Variants in BRAP observed in about 807,000 individuals in gnomAD.
BRAP encodes the protein BRCA1 associated protein, also known as BRCA1-associated protein.
A neutral mutation model predicts 73.4 loss-of-function variants in BRAP; 42 were observed. The observed-to-expected ratio is 0.57, with a 90% CI of 0.45 to 0.74. BRAP has a LOEUF of 0.74. Ranked by LOEUF, BRAP falls within the 30% of genes least tolerant of loss-of-function variation. The probability of loss-of-function intolerance (pLI) is 0.00; values close to 1 mark genes in which losing one functional copy is unlikely to be tolerated. For synonymous variants in BRAP, 255 were observed against 267.4 expected, an observed-to-expected ratio of 0.95 and a Z score of 0.45; for missense variants, 593 against 751.4, an observed-to-expected ratio of 0.79 and a Z score of 2.46.
At chr12:111,685,523 T>C in intron 1 of BRAP, 188 bp downstream of exon 1, 3 of 1,304,078 alleles carry the variant, frequency 2.3e-6, no homozygotes, top group Non-Finnish European at 3.0e-6. Flanking sequence ...GGGGCAGGGC[T>C]TCCCTGAGAT....
chr12:111,674,843 T>C (rs1200443706), intron 4 of BRAP, among the ~76,000 whole-genome samples: 1 of 152,140 alleles, frequency 6.6e-6, no homozygotes, highest in Non-Finnish European at 1.5e-5. Flanking sequence ...AGTCAGCACA[T>C]GGATTCACCA....
At chr12:111,678,718 T>C (rs1191789847) in intron 4 of BRAP, among the ~76,000 whole-genome samples, 2 of 142,794 alleles carry the variant, frequency 1.4e-5, no homozygotes, top group Non-Finnish European at 3.0e-5. Context: ...AGACGGAGTC[T>C]CACTCTTGCC....
chr12:111,672,370 T>C (rs559270084), intron 5 of BRAP, among the ~76,000 whole-genome samples: 1 of 152,198 alleles, frequency 6.6e-6, no homozygotes, highest in African/African-American at 2.4e-5. Flanking sequence ...AAATGAGATA[T>C]TCAATAAAAT....
chr12:111,642,297 T>C lies in BRAP; in HGVS notation c.*1902A>G, dbSNP rs920505501. The C allele has an allele frequency of 6.6e-6, 1 of 151,894 alleles. No individual in the cohort carries two copies. The highest frequency in any genetic ancestry group is 2.4e-5 in the African/African-American group (1 of 41,350). The allele number at this position is 151,894 out of a possible 1,614,324, so 9.4% of individuals were successfully genotyped here. On this transcript the variant is annotated 3_prime_UTR_variant, in exon 12 of 12. Coordinates refer to ENST00000419234, the MANE Select transcript of BRAP (RefSeq NM_006768.5). ...GACTCTTTGACTGTTTAAAAAAAAA[T>C]TTTTTTTTCTTTACGTATCTTGGTA...
chr12:111,660,194 T>C (rs1490207948), intron 7 of BRAP, among the ~76,000 whole-genome samples: 1 of 151,884 alleles, frequency 6.6e-6, no homozygotes, highest in African/African-American at 2.4e-5. Context: ...TGCTGATTTC[T>C]AAGGAGCACT....
chr12:111,670,055 T>C (rs1306755470), intron 5 of BRAP: 2 of 627,160 alleles, frequency 3.2e-6, no homozygotes, highest in African/African-American at 3.7e-5. Context: ...TAAAAGCTGC[T>C]GCTCCTGAAA....
intron 9 of BRAP, among the ~76,000 whole-genome samples, chr12:111,658,459 G>A (rs1886615121): frequency 6.6e-6 from 1 of 152,028 alleles, no homozygotes; most frequent in South Asian, 2.1e-4. Flanking sequence ...CCGAGGAGCT[G>A]GGATTACAGG....
rs2135936324 is a variant in BRAP, at chr12:111,685,931, CG to C, written c.-140del. 4.3e-6 allele frequency: 2 copies of C among 463,984 alleles called. No individual in the cohort carries two copies. The highest frequency in any genetic ancestry group is 4.6e-5 in the Admixed American group (1 of 21,824). 28.7% of individuals were successfully genotyped at this position (463,984 alleles called of 1,614,324 possible). On this transcript the variant is annotated 5_prime_UTR_variant, in exon 1 of 12. Coordinates refer to ENST00000419234, the MANE Select transcript of BRAP (RefSeq NM_006768.5). ...CGCCGCCTCAGCAGCAGCAGCTCCT[CG>C]AACAGCCCTCGGAGCCACAACAACC...
chr12:111,683,048 G>T, intron 2 of BRAP, 98 bp downstream of exon 2: 1 of 1,338,482 alleles, frequency 7.5e-7, no homozygotes, highest in Non-Finnish European at 1.0e-6. Flanking sequence ...ACAAAAGTAT[G>T]CTAGATGTTG....
At chr12:111,684,654 T>C (rs1388301242) in intron 1 of BRAP, among the ~76,000 whole-genome samples, 2 of 151,996 alleles carry the variant, frequency 1.3e-5, no homozygotes, top group Non-Finnish European at 2.9e-5. Context: ...CCAGCAGATA[T>C]GAGCATAAGT....
intron 11 of BRAP, among the ~76,000 whole-genome samples, chr12:111,644,764 A>AT (rs975611189): frequency 3.3e-5 from 5 of 151,166 alleles, no homozygotes; most frequent in Non-Finnish European, 5.9e-5. Flanking sequence ...ACACAAGTGT[A>AT]TTTTTTTTTG....
rs1296797713 is a variant in BRAP, at chr12:111,665,277, A to G, written c.896+362T>C. 6.6e-6 allele frequency among the ~76,000 whole-genome samples: 1 copy of G among 152,198 alleles called. No individual in the cohort carries two copies. Among genetic ancestry groups the G allele is most frequent in the African/African-American group, 2.4e-5 (1 of 41,452 alleles). On this transcript the variant is annotated intron_variant, in intron 6 of 11. Coordinates refer to ENST00000419234, the MANE Select transcript of BRAP (RefSeq NM_006768.5). This position sits in a 1 kb window ranked among gnomAD's most constrained non-coding sequence, Gnocchi z 4.3. ...ATTAGGCTGCTGTAGCCCAGTTGAT[A>G]AGAAGCCCAGAGTGAATGGCAGACA...
rs1885944123 is a variant in BRAP, at chr12:111,642,759, A to AAATT, written c.*1436_*1439dup. 1 of 152,318 alleles carries AAATT rather than the reference A, an allele frequency of 6.6e-6. No individual in the cohort carries two copies. Among genetic ancestry groups the AAATT allele is most frequent in the African/African-American group, 2.4e-5 (1 of 41,586 alleles). The allele number at this position is 152,318 out of a possible 1,614,324, so 9.4% of individuals were successfully genotyped here. The stretch of plus-strand genomic sequence containing the variant: ...CAAAGAGTTGGTCTGCCCTAAGTAA[A>AAATT]AATTAAGAATGTCTGAGTACATTCA... On this transcript the variant is annotated 3_prime_UTR_variant, in exon 12 of 12. Coordinates refer to ENST00000419234, the MANE Select transcript of BRAP (RefSeq NM_006768.5).
chr12:111,681,564 A>G lies in BRAP; in HGVS notation c.443+73T>C, dbSNP rs894154772. The G allele has an allele frequency of 4.7e-6, 6 of 1,268,788 alleles. No homozygotes were observed. In the Admixed American group the frequency reaches 9.3e-5, roughly 20 times the overall value. The allele number at this position is 1,268,788 out of a possible 1,614,324, so 78.6% of individuals were successfully genotyped here. On this transcript the variant is annotated intron_variant, in intron 3 of 11. Coordinates refer to ENST00000419234, the MANE Select transcript of BRAP (RefSeq NM_006768.5). Reference sequence around the variant, plus strand: ...AATACCCACTTTCCTTCAGGACAAGAGACTATGCTAAAGCAAAGCAAAAAA... The same window carrying G: ...AATACCCACTTTCCTTCAGGACAAGGGACTATGCTAAAGCAAAGCAAAAAA...
intron 11 of BRAP, among the ~76,000 whole-genome samples, 154 bp from the exon 12 acceptor site, chr12:111,644,716 G>A (rs964285568): frequency 2.0e-5 from 3 of 152,120 alleles, no homozygotes; most frequent in African/African-American, 4.8e-5. Context: ...TTCTGCCATC[G>A]CAATCAGCTA....
chr12:111,668,959 A>T (rs182672628), intron 5 of BRAP, among the ~76,000 whole-genome samples: 9 of 151,994 alleles, frequency 5.9e-5, no homozygotes, highest in African/African-American at 2.2e-4. Context: ...GGCCAAAAAA[A>T]ATTCTTTTAA....
At chr12:111,648,549 T>G (rs937093498) in intron 11 of BRAP, among the ~76,000 whole-genome samples, 2 of 140,444 alleles carry the variant, frequency 1.4e-5, no homozygotes, top group Non-Finnish European at 3.1e-5. Flanking sequence ...GAGGCGGAGG[T>G]TGCAGTGAAC....
At chr12:111,683,081 C>T (rs1887664997) in intron 2 of BRAP, 65 bp downstream of exon 2, 2 of 1,522,872 alleles carry the variant, frequency 1.3e-6, no homozygotes, top group Non-Finnish European at 1.8e-6. Context: ...CATCAAACAC[C>T]GTGTATAAAA....
intron 6 of BRAP, among the ~76,000 whole-genome samples, chr12:111,661,665 C>T (rs1592979924): frequency 2.6e-5 from 4 of 151,860 alleles, no homozygotes; most frequent in Middle Eastern, 3.4e-3. Flanking sequence ...CTTTCTTCTC[C>T]AGGTTGCTCC....
Sources: gnomAD v4.1 joint callset for allele counts (sites outside exome capture counted in the v4.1 genomes callset) on GRCh38, gnomAD v4.1.1 for gene constraint, Gnocchi (gnomAD v3.1) non-coding constraint, MANE v1.5 for transcripts, NCBI Gene and HGNC (gene_info 2026-07-23, HGNC 2026-07-21) for gene names.